The following MAF variants were observed in gnomAD, a reference collection of about 807,000 sequenced individuals.
The protein encoded by MAF is transcription factor Maf.
MAF carries 10 observed loss-of-function variants against 22.0 expected under a neutral mutation model. The ratio of observed to expected loss-of-function variants is 0.45; its 90% CI spans 0.28 to 0.77. MAF has a LOEUF of 0.77. MAF is among the 30% of genes least tolerant of loss of function. The pLI is 0.12. For synonymous variants in MAF, 337 were observed against 255.8 expected, an observed-to-expected ratio of 1.32 and a Z score of -3.03; for missense variants, 544 against 548.4, an observed-to-expected ratio of 0.99 and a Z score of 0.08.
At chr16:79,543,739 T>C in the MAF span, among the ~76,000 whole-genome samples, 1 of 147,508 alleles carries the variant, frequency 6.8e-6, no homozygotes, top group Non-Finnish European at 1.5e-5. Flanking sequence ...CAGGCTGGAG[T>C]GCAGTGGTGC....
chr16:79,494,195 G>A, the MAF span, among the ~76,000 whole-genome samples: 3 of 152,226 alleles, frequency 2.0e-5, no homozygotes, highest in South Asian at 4.1e-4. Context: ...ACAGTTCCAC[G>A]GGTCAGAAGT....
chr16:79,369,692 A>C, the MAF span, among the ~76,000 whole-genome samples: 1 of 152,232 alleles, frequency 6.6e-6, no homozygotes, highest in Non-Finnish European at 1.5e-5. Context: ...TTCACTGAGA[A>C]ATCAGCCTAA....
the MAF span, among the ~76,000 whole-genome samples, chr16:79,328,959 G>GT: frequency 1.3e-5 from 2 of 152,174 alleles, no homozygotes; most frequent in Non-Finnish European, 1.5e-5. Context: ...ATCTGTCATT[G>GT]TGTCTGTCTT....
the MAF span, among the ~76,000 whole-genome samples, chr16:79,380,874 T>A: frequency 1.3e-5 from 2 of 152,230 alleles, no homozygotes; most frequent in Admixed American, 6.5e-5. Flanking sequence ...TGGGGGCACA[T>A]TGGAAGTTGT....
Position 79,586,975 on chromosome 16 carries a change from G to A in MAF, c.1119-1034C>T, listed in dbSNP as rs184016865. Among the ~76,000 whole-genome samples the A allele has an allele frequency of 3.1e-3, 465 of 152,108 alleles. 12 individuals are homozygous for A. Among genetic ancestry groups the A allele is most frequent in the Non-Finnish European group, 7.6e-4 (52 of 67,992 alleles). On this transcript the variant is annotated intron_variant, in intron 1 of 1. Transcript: ENST00000569649. ...TTTTATTTGGATTACCTTACAATTG[G>A]TGCGAACAAATATGAGCTATGCTCA... is the stretch of plus-strand genomic sequence containing the variant.
At chr16:79,527,545 G>T in the MAF span, among the ~76,000 whole-genome samples, 1 of 152,048 alleles carries the variant, frequency 6.6e-6, no homozygotes, top group Non-Finnish European at 1.5e-5. Context: ...AGATCTGGGG[G>T]CCTTCCATTC....
the MAF span, among the ~76,000 whole-genome samples, chr16:79,373,359 C>CTTTTTTTTTTTTT: frequency 2.1e-4 from 7 of 33,326 alleles, 2 homozygotes; most frequent in Non-Finnish European, 3.1e-4. Context: ...GGACTGGTAG[C>CTTTTTTTTTTTTT]TTTTTTTTTT....
chr16:79,591,985 C>A (rs1160086243), downstream of MAF, among the ~76,000 whole-genome samples: 1 of 152,308 alleles, frequency 6.6e-6, no homozygotes. Context: ...AAATGGACAG[C>A]CGAGCCTAGT....
At chr16:79,237,049 C>G in the MAF span, among the ~76,000 whole-genome samples, 1 of 151,802 alleles carries the variant, frequency 6.6e-6, no homozygotes, top group African/African-American at 2.4e-5. Flanking sequence ...ACTTGGATTG[C>G]CAGAGTGTGC....
chr16:79,308,373 T>C, the MAF span, among the ~76,000 whole-genome samples: 1 of 152,094 alleles, frequency 6.6e-6, no homozygotes, highest in South Asian at 2.1e-4. Flanking sequence ...ATGGTAGGAG[T>C]TTGGCCTCTG....
the MAF span, among the ~76,000 whole-genome samples, chr16:79,423,415 A>G: frequency 6.6e-6 from 1 of 152,180 alleles, no homozygotes; most frequent in Admixed American, 6.5e-5. Context: ...CGTGGAGGCT[A>G]TGGTGAGGAG....
the MAF span, among the ~76,000 whole-genome samples, chr16:79,366,950 C>G: frequency 2.0e-5 from 3 of 152,188 alleles, no homozygotes; most frequent in Non-Finnish European, 4.4e-5. Context: ...TGGTATATAG[C>G]AAGTGCCCCA....
At chr16:79,549,073 A>G in the MAF span, among the ~76,000 whole-genome samples, 2 of 152,170 alleles carry the variant, frequency 1.3e-5, no homozygotes, top group African/African-American at 2.4e-5. Context: ...CAAGGATATC[A>G]TTACCTCCTT....
chr16:79,300,296 C>T, the MAF span, among the ~76,000 whole-genome samples: 1 of 152,164 alleles, frequency 6.6e-6, no homozygotes. Context: ...GTGGCTCACA[C>T]CTGTAATCCC....
the MAF span, among the ~76,000 whole-genome samples, chr16:79,451,285 T>C: frequency 6.6e-6 from 1 of 152,202 alleles, no homozygotes; most frequent in African/African-American, 2.4e-5. Context: ...TAAGTGCCCA[T>C]GTCTGCCAGC....
chr16:79,366,029 C>A, the MAF span, among the ~76,000 whole-genome samples: 1 of 152,136 alleles, frequency 6.6e-6, no homozygotes. Context: ...TTGAGACTGC[C>A]TTTTTGTCTT....
At chr16:79,267,445 G>C in the MAF span, among the ~76,000 whole-genome samples, 1 of 152,214 alleles carries the variant, frequency 6.6e-6, no homozygotes, top group Non-Finnish European at 1.5e-5. Context: ...GTATGGGAAA[G>C]GAGGAGTGAA....
At chr16:79,335,196 AAAAG>A in the MAF span, among the ~76,000 whole-genome samples, 2 of 151,704 alleles carry the variant, frequency 1.3e-5, no homozygotes, top group Admixed American at 6.6e-5. Context: ...AAAAAAAAAA[AAAAG>A]AAAGAAAAAG....
chr16:79,322,744 G>A, the MAF span, among the ~76,000 whole-genome samples: 2 of 152,010 alleles, frequency 1.3e-5, no homozygotes, highest in Non-Finnish European at 2.9e-5. Flanking sequence ...GTGGCAGGGG[G>A]TATAAAGAGC....
Sources: gnomAD v4.1 joint callset for allele counts (sites outside exome capture counted in the v4.1 genomes callset) on GRCh38, gnomAD v4.1.1 for gene constraint, MANE v1.5 for transcripts, NCBI Gene and HGNC (gene_info 2026-07-23, HGNC 2026-07-21) for gene names.